Variants in TRAPPC9 observed in about 807,000 individuals in gnomAD.
TRAPPC9 encodes trafficking protein particle complex subunit 9, also known as IKK2 binding protein.
Under a neutral mutation model 124.0 loss-of-function variants are expected in TRAPPC9, and 83 were observed. The observed-to-expected ratio is 0.67, with a 90% confidence interval of 0.56 to 0.80. The LOEUF is 0.80. TRAPPC9 is among the 30% of genes least tolerant of loss of function. TRAPPC9 has a pLI of 0.00. For missense variants in TRAPPC9, 1,302 were observed against 1,508.3 expected (o/e 0.86, Z 2.27); for synonymous variants, 638 against 617.5 (o/e 1.03, Z -0.49).
chr8:139,748,402 T>A (rs1273845626), intron 21 of TRAPPC9, among the ~76,000 whole-genome samples: 4 of 30,680 alleles, frequency 1.3e-4, no homozygotes, highest in Middle Eastern at 0.021. Flanking sequence ...TCAGAGCAGG[T>A]GTGGGGGCTG....
intron 19 of TRAPPC9, among the ~76,000 whole-genome samples, chr8:139,919,143 C>A (rs188950821): frequency 6.6e-6 from 1 of 152,202 alleles, no homozygotes; most frequent in Admixed American, 6.5e-5. Flanking sequence ...GGGCTGCATT[C>A]GGGAAGGGGT....
At chr8:140,183,211 T>G (rs536803313) in intron 17 of TRAPPC9, among the ~76,000 whole-genome samples, 2 of 152,100 alleles carry the variant, frequency 1.3e-5, no homozygotes, top group African/African-American at 2.4e-5. Flanking sequence ...GAATAAAAAT[T>G]AATCCCTGCT....
At chr8:140,129,330 G>A (rs1434282966) in intron 17 of TRAPPC9, among the ~76,000 whole-genome samples, 1 of 152,110 alleles carries the variant, frequency 6.6e-6, no homozygotes, top group Non-Finnish European at 1.5e-5. Flanking sequence ...GAGAGTCGAA[G>A]CCCCAAGAGG....
intron 11 of TRAPPC9, among the ~76,000 whole-genome samples, chr8:140,297,678 C>T (rs571782321): frequency 9.4e-4 from 143 of 152,338 alleles, no homozygotes; most frequent in African/African-American, 3.3e-3. Flanking sequence ...CCAGGGTCTG[C>T]GGGGCCCCCA....
intron 20 of TRAPPC9, among the ~76,000 whole-genome samples, chr8:139,888,415 G>A (rs1458043431): frequency 2.6e-5 from 4 of 152,200 alleles, no homozygotes; most frequent in Non-Finnish European, 4.4e-5. Context: ...TCACAGGGCC[G>A]TCATGAGGAG....
intron 5 of TRAPPC9, among the ~76,000 whole-genome samples, chr8:140,414,259 A>T (rs1040082328): frequency 6.6e-6 from 1 of 152,196 alleles, no homozygotes; most frequent in Non-Finnish European, 1.5e-5. Context: ...GAAGGCCAGG[A>T]GCAGTGACTT....
intron 17 of TRAPPC9, among the ~76,000 whole-genome samples, chr8:140,032,110 G>A (rs537398457): frequency 1.0e-3 from 152 of 152,258 alleles, no homozygotes; most frequent in African/African-American, 3.5e-3. Context: ...TCTTTCCAGC[G>A]TCTCCAAAGA....
chr8:139,895,961 T>C lies in TRAPPC9; in HGVS notation c.2965-9992A>G, dbSNP rs544582866. On this transcript the variant is annotated intron_variant, in intron 20 of 22. Coordinates refer to ENST00000438773, the MANE Select transcript of TRAPPC9 (RefSeq NM_001160372.4). ...GGCTGAGAAGCTCTGCAGTGATTAG[T>C]CTGGGGAGCAAGTCCGCCTGTGAGT... 2.0e-5 allele frequency among the ~76,000 whole-genome samples: 3 copies of C among 152,208 alleles called. No individual in the cohort carries two copies. The South Asian group carries it at 6.2e-4, about 31-fold the overall frequency.
intron 21 of TRAPPC9, among the ~76,000 whole-genome samples, chr8:139,866,648 G>GTAC (rs1015583430): frequency 1.3e-5 from 2 of 152,184 alleles, no homozygotes; most frequent in African/African-American, 2.4e-5. Context: ...AGGACATGAG[G>GTAC]TACCAGTAAG....
intron 17 of TRAPPC9, among the ~76,000 whole-genome samples, chr8:140,042,259 T>G (rs1331709632): frequency 6.6e-6 from 1 of 151,220 alleles, no homozygotes. Context: ...AGAGAGAAAG[T>G]AGAGAAAAAA....
At chr8:140,284,056 C>T (rs747645871) in intron 13 of TRAPPC9, 35 bp from the exon 14 acceptor site, 2 of 1,613,342 alleles carry the variant, frequency 1.2e-6, no homozygotes, top group Non-Finnish European at 8.5e-7. Context: ...ACTCCACTGG[C>T]AAGGCTTTGG....
chr8:139,938,910 G>A (rs185698320), intron 19 of TRAPPC9, among the ~76,000 whole-genome samples: 19 of 152,318 alleles, frequency 1.2e-4, no homozygotes, highest in African/African-American at 3.8e-4. Context: ...CTCCCAAAGT[G>A]CTGGGATTAC....
intron 17 of TRAPPC9, among the ~76,000 whole-genome samples, chr8:140,192,173 C>T (rs2062508761): frequency 6.6e-6 from 1 of 152,212 alleles, no homozygotes; most frequent in African/African-American, 2.4e-5. Flanking sequence ...CCCTGAACAT[C>T]TATAATTTGC....
At chr8:140,180,216 C>A (rs2062166671) in intron 17 of TRAPPC9, among the ~76,000 whole-genome samples, 1 of 151,490 alleles carries the variant, frequency 6.6e-6, no homozygotes. Context: ...AGCTATAACA[C>A]TTTGTATTCT....
chr8:139,992,927 T>C (rs1233843642), intron 18 of TRAPPC9, among the ~76,000 whole-genome samples: 2 of 151,828 alleles, frequency 1.3e-5, no homozygotes, highest in Non-Finnish European at 2.9e-5. Flanking sequence ...TAGCTAAATA[T>C]AGAAAAACAA....
chr8:139,745,113 C>A (rs1433718124), intron 21 of TRAPPC9, among the ~76,000 whole-genome samples: 1 of 152,214 alleles, frequency 6.6e-6, no homozygotes, highest in Non-Finnish European at 1.5e-5. Context: ...CCGTGGCTGC[C>A]TTGAGGACGG....
intron 17 of TRAPPC9, among the ~76,000 whole-genome samples, chr8:140,207,820 A>C (rs1227954243): frequency 6.6e-6 from 1 of 152,208 alleles, no homozygotes; most frequent in Non-Finnish European, 1.5e-5. Context: ...CCTCCAAATA[A>C]GCATGTCAAT....
At chr8:139,924,693 G>C (rs147989773) in intron 19 of TRAPPC9, among the ~76,000 whole-genome samples, 1 of 152,114 alleles carries the variant, frequency 6.6e-6, no homozygotes, top group Non-Finnish European at 1.5e-5. Context: ...CCAAGCCCTC[G>C]CTATACCCAT....
At chr8:140,221,117 A>C (rs991124515) in intron 17 of TRAPPC9, among the ~76,000 whole-genome samples, 3 of 152,228 alleles carry the variant, frequency 2.0e-5, no homozygotes, top group African/African-American at 7.2e-5. Flanking sequence ...ATTAAGAAAA[A>C]TGTACAGGGT....
Sources: allele counts gnomAD v4.1 joint callset (sites outside exome capture counted in the v4.1 genomes callset), GRCh38; gene constraint gnomAD v4.1.1; transcripts MANE v1.5; gene names NCBI Gene and HGNC (gene_info 2026-07-23, HGNC 2026-07-21).